DCC: variants seen among roughly 807,000 people sequenced by gnomAD.
DCC encodes the protein DCC netrin 1 receptor, also known as netrin receptor DCC.
Under a neutral mutation model 172.5 loss-of-function variants are expected in DCC, and 58 were observed. The ratio of observed to expected loss-of-function variants is 0.34; its 90% CI spans 0.27 to 0.42. The LOEUF is 0.42. Ranked by LOEUF, DCC falls within the 10% of genes least tolerant of loss-of-function variation. The probability of loss-of-function intolerance (pLI) is 1.00; values close to 1 mark genes in which losing one functional copy is unlikely to be tolerated. For missense variants in DCC, 1,740 were observed against 1,791.0 expected, an observed-to-expected ratio of 0.97 and a Z score of 0.51; for synonymous variants, 709 against 644.5, an observed-to-expected ratio of 1.10 and a Z score of -1.52.
intron 2 of DCC, among the ~76,000 whole-genome samples, chr18:52,785,306 G>A (rs1003425393): frequency 6.6e-6 from 1 of 152,026 alleles, no homozygotes; most frequent in African/African-American, 2.4e-5. Context: ...CAGTTTGCTT[G>A]TCTGTCTGCA....
chr18:53,367,416 A>G (rs1243817599), intron 15 of DCC, among the ~76,000 whole-genome samples: 1 of 152,182 alleles, frequency 6.6e-6, no homozygotes, highest in Non-Finnish European at 1.5e-5. Context: ...CCTTAGTCTT[A>G]AGAGCACCCA....
chr18:52,746,248 T>C (rs2036904086), intron 1 of DCC, among the ~76,000 whole-genome samples: 1 of 152,198 alleles, frequency 6.6e-6, no homozygotes, highest in Non-Finnish European at 1.5e-5. Flanking sequence ...TGGGTTGATA[T>C]GAAGATTCAC....
chr18:52,747,763 C>A (rs1250608907), intron 1 of DCC, among the ~76,000 whole-genome samples: 8 of 152,160 alleles, frequency 5.3e-5, no homozygotes, highest in Non-Finnish European at 1.2e-4. Context: ...TGGGCAAAAT[C>A]TCTCCAAATG....
intron 2 of DCC, among the ~76,000 whole-genome samples, chr18:52,798,338 G>A (rs2037918266): frequency 6.6e-6 from 1 of 152,192 alleles, no homozygotes; most frequent in Non-Finnish European, 1.5e-5. Flanking sequence ...GTCTTTGGCT[G>A]ATCCAGAGAG....
chr18:52,796,405 C>T (rs1080354), intron 2 of DCC, among the ~76,000 whole-genome samples: 86,071 of 151,878 alleles, frequency 0.57, 28,234 homozygotes, highest in East Asian at 0.88. Flanking sequence ...TCTAGTCTAC[C>T]AGTGAGTTTT....
intron 17 of DCC, among the ~76,000 whole-genome samples, chr18:53,392,912 G>T (rs1323313808): frequency 6.6e-6 from 1 of 152,196 alleles, no homozygotes; most frequent in African/African-American, 2.4e-5. Context: ...GATTGGGAGT[G>T]AAGAAGTCAG....
At chr18:53,262,500 A>T (rs1370102639) in intron 12 of DCC, among the ~76,000 whole-genome samples, 1 of 152,200 alleles carries the variant, frequency 6.6e-6, no homozygotes, top group Admixed American at 6.5e-5. Context: ...AGCTTATAAT[A>T]CTTTCAGAAG....
chr18:53,396,169 G>T (rs1283435341), intron 17 of DCC, among the ~76,000 whole-genome samples: 1 of 151,664 alleles, frequency 6.6e-6, no homozygotes, highest in Non-Finnish European at 1.5e-5. Context: ...GATATGAGTG[G>T]GGGAAAAGAG....
chr18:53,158,274 C>T lies in DCC; in HGVS notation c.1418+762C>T, dbSNP rs184650872. ...TTGTTATTGTGGATATTACTATTGA[C>T]TAAGCAAAAGTGAGCTGTACATATC... On this transcript the variant is annotated intron_variant, in intron 8 of 28. Transcript: ENST00000442544. Among the ~76,000 whole-genome samples the T allele has an allele frequency of 2.3e-4, 35 of 152,304 alleles. 1 individual carries two copies. Among genetic ancestry groups the T allele is most frequent in the Non-Finnish European group, 2.4e-4 (16 of 68,026 alleles).
intron 2 of DCC, among the ~76,000 whole-genome samples, chr18:52,791,438 G>T (rs542002203): frequency 3.3e-5 from 5 of 152,044 alleles, no homozygotes; most frequent in African/African-American, 1.2e-4. Flanking sequence ...AAGGAAGACA[G>T]TGGAGGCGTT....
chr18:53,481,063 G>A (rs1004183867), intron 25 of DCC: 1 of 152,266 alleles, frequency 6.6e-6, no homozygotes, highest in Admixed American at 6.6e-5. Context: ...GCTTTCCCCA[G>A]CATGAGTGAT....
At chr18:53,352,620 T>A (rs1192575518) in intron 15 of DCC, among the ~76,000 whole-genome samples, 1 of 152,170 alleles carries the variant, frequency 6.6e-6, no homozygotes, top group African/African-American at 2.4e-5. Flanking sequence ...GTTTTTATAA[T>A]TACAGTGGGT....
chr18:53,419,255 G>A (rs527608891), intron 21 of DCC, among the ~76,000 whole-genome samples: 1 of 152,052 alleles, frequency 6.6e-6, no homozygotes, highest in African/African-American at 2.4e-5. Context: ...GGAGAATGGG[G>A]TATCCATCCC....
At chr18:53,258,917 GGTTA>G (rs1260879216) in intron 12 of DCC, among the ~76,000 whole-genome samples, 1 of 152,114 alleles carries the variant, frequency 6.6e-6, no homozygotes. Context: ...TATATGTTTA[GGTTA>G]GTTAGCTCTT....
Position 52,960,922 on chromosome 18 carries a change from G to C in DCC, c.985+35552G>C, listed in dbSNP as rs548245286. 2.0e-5 allele frequency among the ~76,000 whole-genome samples: 3 copies of C among 152,196 alleles called. No homozygotes were observed. In the South Asian group the frequency reaches 6.2e-4, roughly 32 times the overall value. ...ATATTTTTGTAGTAAGACTAAAGTA[G>C]GTCACACGCTGAATTTTGATGGCTC... On this transcript the variant is annotated intron_variant, in intron 5 of 28. Coordinates refer to ENST00000442544, the MANE Select transcript of DCC (RefSeq NM_005215.4).
chr18:52,957,838 C>A (rs2040771494), intron 5 of DCC, among the ~76,000 whole-genome samples: 1 of 152,104 alleles, frequency 6.6e-6, no homozygotes, highest in Non-Finnish European at 1.5e-5. Context: ...CAAGAACACA[C>A]CCACAGAGCC....
At chr18:53,010,626 A>G (rs887507854) in intron 5 of DCC, among the ~76,000 whole-genome samples, 1 of 150,824 alleles carries the variant, frequency 6.6e-6, no homozygotes, top group Non-Finnish European at 1.5e-5. Flanking sequence ...TAATAAATAT[A>G]ATATATTTAA....
intron 4 of DCC, among the ~76,000 whole-genome samples, chr18:52,924,512 A>G (rs546502986): frequency 6.6e-6 from 1 of 152,206 alleles, no homozygotes; most frequent in African/African-American, 2.4e-5. Flanking sequence ...TTGCTGGAAT[A>G]TTAATATTAA....
At chr18:52,941,649 G>T (rs2040467161) in intron 5 of DCC, among the ~76,000 whole-genome samples, 1 of 151,842 alleles carries the variant, frequency 6.6e-6, no homozygotes, top group Admixed American at 6.6e-5. Flanking sequence ...AAGCATTATA[G>T]GTAAATTTGA....
Sources: allele counts gnomAD v4.1 joint callset (sites outside exome capture counted in the v4.1 genomes callset), GRCh38; gene constraint gnomAD v4.1.1; transcripts MANE v1.5; gene names NCBI Gene and HGNC (gene_info 2026-07-23, HGNC 2026-07-21).